Variants in HERC6 observed in about 807,000 individuals in gnomAD.
The protein encoded by HERC6 is probable E3 ubiquitin-protein ligase HERC6.
In HERC6, 101 loss-of-function variants were observed where a neutral mutation model predicts 114.5. That is an observed-to-expected ratio of 0.88 (90% CI 0.75 to 1.04). HERC6 has a LOEUF of 1.04. Among genes scored for constraint, HERC6 ranks in the 50% least tolerant of loss-of-function variants. HERC6 has a pLI of 0.00. For missense variants in HERC6, 1,133 were observed against 1,230.9 expected, an observed-to-expected ratio of 0.92 and a Z score of 1.19; for synonymous variants, 408 against 436.2, an observed-to-expected ratio of 0.94 and a Z score of 0.81.
intron 11 of HERC6, among the ~76,000 whole-genome samples, chr4:88,411,893 C>T (rs988352785): frequency 1.3e-5 from 2 of 152,138 alleles, no homozygotes; most frequent in Admixed American, 1.3e-4. Context: ...ATGTGTCACA[C>T]ATCACTTTCT....
At position 88,387,295 on chromosome 4, in the gene HERC6, G is replaced by C. The variant is rs192487349; in HGVS notation, c.436+1720G>C. Among the ~76,000 whole-genome samples the C allele has an allele frequency of 6.6e-5, 10 of 152,308 alleles. No homozygotes were observed. In the South Asian group the frequency reaches 1.7e-3, roughly 25 times the overall value. On this transcript the variant is annotated intron_variant, in intron 3 of 22. Transcript: ENST00000264346. The stretch of plus-strand genomic sequence containing the variant: ...ACCTGTAGTTCCAACTAATCAGGGG[G>C]CTGAAGTTGGAGGAGTGCTCGAGCT...
intron 7 of HERC6, among the ~76,000 whole-genome samples, chr4:88,397,416 A>G (rs1242397390): frequency 6.6e-6 from 1 of 151,960 alleles, no homozygotes; most frequent in Non-Finnish European, 1.5e-5. Flanking sequence ...CTGGCTGTAC[A>G]TATATATATG....
At position 88,442,526 on chromosome 4, in the gene HERC6, A is replaced by T; in HGVS notation, c.*66A>T. 2.6e-6 allele frequency: 3 copies of T among 1,132,316 alleles called. No homozygotes were observed. The highest frequency in any genetic ancestry group is 3.9e-6 in the Non-Finnish European group (3 of 762,044). 70.1% of individuals were successfully genotyped at this position (1,132,316 alleles called of 1,614,324 possible). ...ATCCTTCTGTTCTTCCTTACACCTA[A>T]ATAATACAAGAGATTAATGAATAGT... On this transcript the variant is annotated 3_prime_UTR_variant, in exon 23 of 23. Coordinates refer to ENST00000264346, the MANE Select transcript of HERC6 (RefSeq NM_017912.4).
At chr4:88,379,365 G>A (rs1734042033) in intron 1 of HERC6, among the ~76,000 whole-genome samples, 1 of 151,996 alleles carries the variant, frequency 6.6e-6, no homozygotes, top group Non-Finnish European at 1.5e-5. Context: ...CTGTGCTACC[G>A]AAGAGCAACT....
At chr4:88,391,126 T>C (rs1210078623) in intron 4 of HERC6, among the ~76,000 whole-genome samples, 1 of 152,224 alleles carries the variant, frequency 6.6e-6, no homozygotes, top group Non-Finnish European at 1.5e-5. Flanking sequence ...CACGTCTCAC[T>C]GTGCTAAAGT....
intron 1 of HERC6, among the ~76,000 whole-genome samples, chr4:88,382,578 C>G (rs536523354): frequency 6.6e-6 from 1 of 152,200 alleles, no homozygotes; most frequent in South Asian, 2.1e-4. Flanking sequence ...GAAGTTACCC[C>G]CTCCGTGATG....
chr4:88,405,090 A>G (rs1270215509), intron 9 of HERC6, 93 bp downstream of exon 9: 6 of 1,473,414 alleles, frequency 4.1e-6, no homozygotes, highest in Non-Finnish European at 5.5e-6. Flanking sequence ...TTTGTTGTGA[A>G]GGTATTTGCA....
chr4:88,417,247 T>G (rs970919981), intron 12 of HERC6, among the ~76,000 whole-genome samples, 178 bp from the exon 13 acceptor site: 1 of 152,160 alleles, frequency 6.6e-6, no homozygotes, highest in Admixed American at 6.5e-5. Flanking sequence ...GGGAAAAAAA[T>G]TTCCACATCT....
intron 13 of HERC6, among the ~76,000 whole-genome samples, chr4:88,422,573 T>C (rs925891487): frequency 1.4e-5 from 2 of 146,356 alleles, no homozygotes; most frequent in African/African-American, 2.6e-5. Flanking sequence ...CTGTTTTAAC[T>C]TTATCTACTT....
Position 88,385,532 on chromosome 4 carries a change from A to G in HERC6, c.393A>G (p.Ile131Met), listed in dbSNP as rs565462600. 2.0e-6 allele frequency: 3 copies of G among 1,500,840 alleles called. No individual in the cohort carries two copies. Among genetic ancestry groups the G allele is most frequent in the Non-Finnish European group, 2.7e-6 (3 of 1,116,354 alleles). 93.0% of individuals were successfully genotyped at this position (1,500,840 alleles called of 1,614,324 possible). ...KIMTLNDIKI[I>M]QVSCGHYHSL... The stretch of plus-strand genomic sequence containing the variant: ...TGACTCTGAATGATATAAAAATAAT[A>G]CAAGTTTCCTGTGGACACTACCACT... Residue 131 changes from isoleucine to methionine, a missense_variant, in exon 3 of 23, where the codon ATA becomes ATG. Coordinates refer to ENST00000264346, the MANE Select transcript of HERC6 (RefSeq NM_017912.4).
At chr4:88,413,324 CGTT>C (rs1736240610) in intron 12 of HERC6, 58 bp downstream of exon 12, 2 of 1,281,934 alleles carry the variant, frequency 1.6e-6, no homozygotes, top group Admixed American at 2.6e-5. Context: ...CTGAAGTAGA[CGTT>C]GTAGCAAATT....
At chr4:88,406,106 G>A (rs1735801888) in intron 10 of HERC6, among the ~76,000 whole-genome samples, 1 of 152,200 alleles carries the variant, frequency 6.6e-6, no homozygotes, top group East Asian at 1.9e-4. Context: ...CAATATTTGG[G>A]TCTTCTATTT....
At chr4:88,395,449 GTA>G (rs1227614740) in intron 5 of HERC6, among the ~76,000 whole-genome samples, 2 of 151,982 alleles carry the variant, frequency 1.3e-5, no homozygotes, top group East Asian at 1.9e-4. Context: ...GACAAAAATT[GTA>G]TATGTTTATG....
chr4:88,400,122 G>T (rs985500047), intron 8 of HERC6, among the ~76,000 whole-genome samples: 6 of 152,192 alleles, frequency 3.9e-5, no homozygotes, highest in Non-Finnish European at 8.8e-5. Context: ...AATGTGCTTG[G>T]AAAGGAGACC....
Position 88,383,213 on chromosome 4 carries a change from T to A in HERC6, c.200-8T>A. 6.2e-7 allele frequency: 1 copy of A among 1,609,100 alleles called. No homozygotes were observed. The highest frequency in any genetic ancestry group is 8.5e-7 in the Non-Finnish European group (1 of 1,177,702). On this transcript the variant is annotated splice_polypyrimidine_tract_variant and splice_region_variant and intron_variant, in intron 1 of 22. Coordinates refer to ENST00000264346, the MANE Select transcript of HERC6 (RefSeq NM_017912.4). ...TGGTTGGGGGGTGTTTTGTTTTGTT[T>A]CCCAAAGAACCAATTCAGGCATTGG...
At chr4:88,405,694 T>C in intron 10 of HERC6, 81 bp downstream of exon 10, 1 of 730,912 alleles carries the variant, frequency 1.4e-6, no homozygotes, top group Non-Finnish European at 2.1e-6. Context: ...GTTTAATTTG[T>C]GAATTTTGTT....
At chr4:88,433,148 A>C (rs894015270) in intron 17 of HERC6, among the ~76,000 whole-genome samples, 1 of 152,188 alleles carries the variant, frequency 6.6e-6, no homozygotes, top group East Asian at 1.9e-4. Context: ...CAGATCATTT[A>C]ATCTGTGTAT....
At chr4:88,407,043 G>C (rs1486720138) in intron 10 of HERC6, among the ~76,000 whole-genome samples, 2 of 151,828 alleles carry the variant, frequency 1.3e-5, no homozygotes, top group Non-Finnish European at 2.9e-5. Context: ...ACTGGCATGA[G>C]CCACCGCGCC....
intron 3 of HERC6, among the ~76,000 whole-genome samples, chr4:88,390,177 CAAAAAAAAA>C (rs1156777502): frequency 4.1e-5 from 2 of 48,644 alleles, no homozygotes; most frequent in Admixed American, 4.8e-4. Context: ...AACTCTGTAT[CAAAAAAAAA>C]AAAAAAAAAA....
Sources: gnomAD v4.1 joint callset for allele counts (sites outside exome capture counted in the v4.1 genomes callset) on GRCh38, gnomAD v4.1.1 for gene constraint, MANE v1.5 for transcripts, NCBI Gene and HGNC (gene_info 2026-07-23, HGNC 2026-07-21) for gene names.